Variants in PUS10 observed in about 807,000 individuals in gnomAD.
The protein encoded by PUS10 is pseudouridine synthase 10, also known as tRNA pseudouridine synthase Pus10.
Under a neutral mutation model 75.0 loss-of-function variants are expected in PUS10, and 59 were observed. The observed-to-expected ratio is 0.79, with a 90% CI of 0.64 to 0.98. The LOEUF is 0.98. Among genes scored for constraint, PUS10 ranks in the 50% least tolerant of loss-of-function variants. The pLI is 0.00. For synonymous variants in PUS10, 219 were observed against 211.6 expected, an observed-to-expected ratio of 1.03 and a Z score of -0.30; for missense variants, 650 against 614.4, an observed-to-expected ratio of 1.06 and a Z score of -0.61.
At chr2:61,012,320 G>A (rs969813488) in intron 1 of PUS10, among the ~76,000 whole-genome samples, 1 of 152,042 alleles carries the variant, frequency 6.6e-6, no homozygotes, top group African/African-American at 2.4e-5. Context: ...TTAAAAATGA[G>A]TTTGCTGGTA....
intron 4 of PUS10, among the ~76,000 whole-genome samples, chr2:60,990,098 G>A (rs1677983863): frequency 6.6e-6 from 1 of 151,992 alleles, no homozygotes; most frequent in African/African-American, 2.4e-5. Context: ...AAAATATTGT[G>A]TTTAACAAGA....
chr2:61,002,185 G>T (rs1219360581), intron 4 of PUS10, among the ~76,000 whole-genome samples: 2 of 152,156 alleles, frequency 1.3e-5, no homozygotes, highest in Non-Finnish European at 2.9e-5. Context: ...AGCATCTCTG[G>T]GAATGGGACC....
In PUS10 at chr2:61,008,833, G is replaced by C; in HGVS notation, c.309C>G (p.Asn103Lys). The change falls in exon 3 of 18, where the codon AAC becomes AAG. Residue 103 changes from asparagine (N) to lysine (K), a missense_variant. Asn to Lys is a moderately conservative substitution (Grantham distance 94, BLOSUM62 0). Transcript: ENST00000316752. ...ATACATTACATACATTTAAATTTGA[G>C]TTCTTGGAAGCAGTGCTTCCAACAT... is the stretch of plus-strand genomic sequence containing the variant. ...VSHVGSTASKNSNLNVCNVCL... is the reference protein window; with the variant it reads ...VSHVGSTASKKSNLNVCNVCL... The C allele has an allele frequency of 1.2e-6, 2 of 1,610,738 alleles. No individual in the cohort carries two copies. Among genetic ancestry groups the C allele is most frequent in the South Asian group, 2.2e-5 (2 of 90,560 alleles).
intron 15 of PUS10, 81 bp from the exon 16 acceptor site, chr2:60,948,266 C>T: frequency 7.5e-7 from 1 of 1,337,540 alleles, no homozygotes; most frequent in Non-Finnish European, 1.1e-6. Context: ...CCCTCACCAT[C>T]CATAGCTCAC....
chr2:60,997,048 T>C (rs999002198), intron 4 of PUS10, among the ~76,000 whole-genome samples: 2 of 152,208 alleles, frequency 1.3e-5, no homozygotes, highest in African/African-American at 2.4e-5. Flanking sequence ...CATATAGATA[T>C]ATGATTCCAT....
At chr2:61,003,911 A>G (rs993250039) in intron 4 of PUS10, among the ~76,000 whole-genome samples, 4 of 152,168 alleles carry the variant, frequency 2.6e-5, no homozygotes, top group Non-Finnish European at 2.9e-5. Flanking sequence ...TATAATAAAT[A>G]CTACCATATT....
chr2:60,956,789 C>T (rs1040040752), intron 11 of PUS10, among the ~76,000 whole-genome samples: 1 of 151,816 alleles, frequency 6.6e-6, no homozygotes, highest in Non-Finnish European at 1.5e-5. Flanking sequence ...TCCTGGCTAA[C>T]TTGGTGAAAC....
At chr2:60,951,532 G>C (rs1254679477) in intron 15 of PUS10, among the ~76,000 whole-genome samples, 1 of 152,170 alleles carries the variant, frequency 6.6e-6, no homozygotes, top group Non-Finnish European at 1.5e-5. Context: ...TTCATAAGGA[G>C]CATGCAACCT....
intron 10 of PUS10, among the ~76,000 whole-genome samples, 186 bp downstream of exon 10, chr2:60,961,277 C>T (rs1676010365): frequency 6.6e-6 from 1 of 152,122 alleles, no homozygotes; most frequent in Admixed American, 6.5e-5. Flanking sequence ...AACTGATCTC[C>T]TAAGTGATCC....
In PUS10 at chr2:61,008,654, A is replaced by C. The variant is rs2104711654; in HGVS notation, c.381+107T>G. On this transcript the variant is annotated intron_variant, in intron 3 of 17. Coordinates refer to ENST00000316752, the MANE Select transcript of PUS10 (RefSeq NM_144709.4). Reference sequence around the variant, plus strand: ...CAGCCTAGGCAACAGAATGAGACCCAAAAAAGAATTGTCTTGTCTTGAAAA... The same window carrying C: ...CAGCCTAGGCAACAGAATGAGACCCCAAAAAGAATTGTCTTGTCTTGAAAA... 3.0e-6 allele frequency: 3 copies of C among 984,338 alleles called. No homozygotes were observed. The East Asian group carries it at 8.0e-5, about 26-fold the overall frequency. The allele number at this position is 984,338 out of a possible 1,614,324, so 61.0% of individuals were successfully genotyped here.
chr2:60,970,428 A>T (rs1356549594), intron 5 of PUS10, among the ~76,000 whole-genome samples: 4 of 152,226 alleles, frequency 2.6e-5, no homozygotes, highest in Non-Finnish European at 5.9e-5. Flanking sequence ...CAGAGTACAT[A>T]GGTACTGCCA....
At chr2:61,009,886 G>C (rs1679486095) in intron 2 of PUS10, 1 of 152,186 alleles carries the variant, frequency 6.6e-6, no homozygotes, top group African/African-American at 2.4e-5. Context: ...TAGCTCTCCT[G>C]CTTTAACAGA....
At chr2:61,001,774 T>C (rs1678872546) in intron 4 of PUS10, among the ~76,000 whole-genome samples, 1 of 152,190 alleles carries the variant, frequency 6.6e-6, no homozygotes, top group South Asian at 2.1e-4. Context: ...TAGAAAGAGA[T>C]CCCTACTTCT....
At chr2:61,001,666 G>C (rs1209738248) in intron 4 of PUS10, among the ~76,000 whole-genome samples, 1 of 152,148 alleles carries the variant, frequency 6.6e-6, no homozygotes, top group East Asian at 1.9e-4. Context: ...TTTAACTGCT[G>C]AAGTCGGATG....
intron 2 of PUS10, chr2:61,010,571 C>T (rs1177801150): frequency 3.3e-5 from 13 of 392,762 alleles, no homozygotes; most frequent in Admixed American, 7.4e-5. Context: ...GTGATCCACC[C>T]GCCTCGGCCT....
intron 4 of PUS10, among the ~76,000 whole-genome samples, chr2:61,001,781 T>C (rs747001948): frequency 6.6e-6 from 1 of 152,228 alleles, no homozygotes; most frequent in Non-Finnish European, 1.5e-5. Context: ...AGATCCCTAC[T>C]TCTTCATTCA....
At position 61,011,757 on chromosome 2, in the gene PUS10, G is replaced by T. The variant is rs753729577; in HGVS notation, c.126+8C>A. On this transcript the variant is annotated splice_region_variant and intron_variant, in intron 2 of 17. Coordinates refer to ENST00000316752, the MANE Select transcript of PUS10 (RefSeq NM_144709.4). ...ATTTGAAAAAAAAAAAAAAAGAAAA[G>T]AAAATACCTTGTATGGAAGTTTGTA... 1.4e-5 allele frequency: 19 copies of T among 1,401,616 alleles called. No homozygotes were observed. Among genetic ancestry groups the T allele is most frequent in the South Asian group, 1.6e-5 (1 of 64,132 alleles). 86.8% of individuals were successfully genotyped at this position (1,401,616 alleles called of 1,614,324 possible).
chr2:61,013,002 G>A (rs1282666590), intron 1 of PUS10, among the ~76,000 whole-genome samples: 2 of 150,430 alleles, frequency 1.3e-5, no homozygotes, highest in Non-Finnish European at 3.0e-5. Context: ...TCACCACTTT[G>A]TGGTTGTGGG....
intron 4 of PUS10, among the ~76,000 whole-genome samples, chr2:60,996,452 C>A (rs1263391740): frequency 1.3e-5 from 2 of 152,144 alleles, no homozygotes; most frequent in Non-Finnish European, 2.9e-5. Context: ...ATTCATCACT[C>A]TGGTGATCTT....
Sources: allele counts gnomAD v4.1 joint callset (sites outside exome capture counted in the v4.1 genomes callset), GRCh38; gene constraint gnomAD v4.1.1; transcripts MANE v1.5; gene names NCBI Gene and HGNC (gene_info 2026-07-23, HGNC 2026-07-21).